The following METTL16 variants were observed in gnomAD, a reference collection of about 807,000 sequenced individuals.
METTL16 encodes methyltransferase 16, RNA N6-adenosine, also known as RNA N(6)-adenosine-methyltransferase METTL16.
METTL16 carries 19 observed loss-of-function variants against 57.9 expected under a neutral mutation model. That is an observed-to-expected ratio of 0.33 (90% confidence interval 0.23 to 0.48). The LOEUF is 0.48. METTL16 is among the 20% of genes least tolerant of loss of function. The pLI is 0.99. For missense variants in METTL16, 434 were observed against 691.5 expected, an observed-to-expected ratio of 0.63 and a Z score of 4.18; for synonymous variants, 246 against 255.6, an observed-to-expected ratio of 0.96 and a Z score of 0.36.
chr17:2,447,685 G>T (rs1211608789), intron 6 of METTL16, among the ~76,000 whole-genome samples: 3 of 132,492 alleles, frequency 2.3e-5, no homozygotes, highest in Non-Finnish European at 4.8e-5. Context: ...CCGGCCAGCC[G>T]CCCCGTCCGG....
intron 6 of METTL16, chr17:2,459,938 T>G (rs1350668891): frequency 6.6e-6 from 1 of 151,856 alleles, no homozygotes; most frequent in Non-Finnish European, 1.5e-5. Flanking sequence ...GAAGCGGGGG[T>G]TGCAGTGAGC....
chr17:2,462,044 C>T (rs946002931), intron 6 of METTL16, among the ~76,000 whole-genome samples: 2 of 152,172 alleles, frequency 1.3e-5, no homozygotes, highest in African/African-American at 4.8e-5. Context: ...TTTATATACC[C>T]ACATTCACAC....
chr17:2,477,972 C>T (rs2151569612), intron 2 of METTL16, 87 bp from the exon 3 acceptor site: 8 of 1,031,508 alleles, frequency 7.8e-6, no homozygotes, highest in African/African-American at 3.2e-5. Context: ...GAACCAAATA[C>T]CCATCCGAAC....
At chr17:2,424,865 G>A (rs541859310) in intron 8 of METTL16, among the ~76,000 whole-genome samples, 3 of 152,072 alleles carry the variant, frequency 2.0e-5, no homozygotes, top group South Asian at 2.1e-4. Flanking sequence ...GGAGAATGGC[G>A]TGAACCCGGG....
At position 2,481,183 on chromosome 17, in the gene METTL16, G is replaced by A. The variant is rs552405806; in HGVS notation, c.129-3298C>T. On this transcript the variant is annotated intron_variant, in intron 2 of 9. Coordinates refer to ENST00000263092, the MANE Select transcript of METTL16 (RefSeq NM_024086.4). ...AGATGAAGCCACCGCACTCCCGTAC[G>A]GATGACAGAGTGAGACCATGTTTCA... 4.6e-5 allele frequency among the ~76,000 whole-genome samples: 7 copies of A among 151,406 alleles called. No individual in the cohort carries two copies. In the South Asian group the frequency reaches 1.3e-3, roughly 27 times the overall value.
At chr17:2,442,870 C>T (rs1028702060) in intron 6 of METTL16, among the ~76,000 whole-genome samples, 2 of 152,044 alleles carry the variant, frequency 1.3e-5, no homozygotes, top group Non-Finnish European at 2.9e-5. Context: ...TTCTGTTGCC[C>T]AGGCTGGAGT....
intron 8 of METTL16, among the ~76,000 whole-genome samples, chr17:2,432,525 C>T (rs1231984405): frequency 2.0e-5 from 3 of 151,918 alleles, no homozygotes; most frequent in Non-Finnish European, 2.9e-5. Flanking sequence ...GCCGTGAGCG[C>T]GCCAATACAT....
At chr17:2,480,536 CA>C (rs2151570639) in intron 2 of METTL16, among the ~76,000 whole-genome samples, 1 of 152,286 alleles carries the variant, frequency 6.6e-6, no homozygotes, top group African/African-American at 2.4e-5. Flanking sequence ...CCTTGGTTTC[CA>C]AATAGCACTC....
At chr17:2,461,768 G>A (rs976929208) in intron 6 of METTL16, among the ~76,000 whole-genome samples, 3 of 151,932 alleles carry the variant, frequency 2.0e-5, no homozygotes, top group Non-Finnish European at 2.9e-5. Context: ...TACTAGAGAC[G>A]GGGTTTCACC....
intron 2 of METTL16, among the ~76,000 whole-genome samples, chr17:2,500,668 G>C (rs550653139): frequency 6.6e-6 from 1 of 152,290 alleles, no homozygotes; most frequent in Admixed American, 6.5e-5. Flanking sequence ...CTCCAGGCAG[G>C]CTGGGAATTT....
chr17:2,509,542 G>A (rs1217648940), intron 1 of METTL16, among the ~76,000 whole-genome samples: 4 of 152,052 alleles, frequency 2.6e-5, no homozygotes, highest in African/African-American at 9.7e-5. Flanking sequence ...GTGAGACCCT[G>A]TCTCAAAATA....
At chr17:2,497,299 C>T (rs1008500864) in intron 2 of METTL16, among the ~76,000 whole-genome samples, 1 of 146,074 alleles carries the variant, frequency 6.8e-6, no homozygotes, top group Admixed American at 7.0e-5. Context: ...CGCCACTGCA[C>T]CCGGCCTTTT....
chr17:2,430,290 CAT>C (rs921069676), intron 8 of METTL16, among the ~76,000 whole-genome samples: 1 of 147,308 alleles, frequency 6.8e-6, no homozygotes, highest in African/African-American at 2.5e-5. Flanking sequence ...TTTTTTTTTT[CAT>C]AGAGACAGCG....
At chr17:2,432,265 G>A (rs7216149) in intron 8 of METTL16, among the ~76,000 whole-genome samples, 41,300 of 151,996 alleles carry the variant, frequency 0.27, 9,366 homozygotes, top group African/African-American at 0.62. Context: ...GTGACTCAAT[G>A]TTAAATTAGT....
At position 2,417,416 on chromosome 17, in the gene METTL16, T is replaced by C. The variant is rs1048218104; in HGVS notation, c.*2554A>G. On this transcript the variant is annotated 3_prime_UTR_variant, in exon 10 of 10. Transcript: ENST00000263092. The stretch of plus-strand genomic sequence containing the variant: ...TCATTAGCTTGACATCTATAAAATC[T>C]CCTCCATGACATGAAGCCTTAAACC... 2 of 151,980 alleles carry C rather than the reference T, an allele frequency of 1.3e-5. No homozygotes were observed. Among genetic ancestry groups the C allele is most frequent in the Non-Finnish European group, 2.9e-5 (2 of 68,006 alleles). The allele number at this position is 151,980 out of a possible 1,614,324, so 9.4% of individuals were successfully genotyped here.
At chr17:2,485,458 C>T (rs990915101) in intron 2 of METTL16, among the ~76,000 whole-genome samples, 1 of 152,068 alleles carries the variant, frequency 6.6e-6, no homozygotes, top group Admixed American at 6.6e-5. Flanking sequence ...AATTGTCATC[C>T]GTGAAACTGG....
intron 1 of METTL16, among the ~76,000 whole-genome samples, chr17:2,506,442 C>T (rs914373668): frequency 2.6e-5 from 4 of 152,052 alleles, no homozygotes; most frequent in African/African-American, 7.2e-5. Flanking sequence ...CACGCCGCCA[C>T]GCCTGACTGG....
At chr17:2,448,194 TG>T (rs2067029089) in intron 6 of METTL16, among the ~76,000 whole-genome samples, 1 of 148,492 alleles carries the variant, frequency 6.7e-6, no homozygotes, top group Admixed American at 6.7e-5. Context: ...CCGCCCCTAC[TG>T]GGAAGTGAGG....
intron 2 of METTL16, among the ~76,000 whole-genome samples, chr17:2,496,228 C>T (rs2067444070): frequency 6.6e-6 from 1 of 151,542 alleles, no homozygotes; most frequent in South Asian, 2.1e-4. Context: ...TCTCAAAGTC[C>T]CTAAGTTCAC....
Sources: allele counts gnomAD v4.1 joint callset (sites outside exome capture counted in the v4.1 genomes callset), GRCh38; gene constraint gnomAD v4.1.1; transcripts MANE v1.5; gene names NCBI Gene and HGNC (gene_info 2026-07-23, HGNC 2026-07-21).